The following ANKRD45 variants were observed in gnomAD, a reference collection of about 807,000 sequenced individuals.
ANKRD45 encodes ankyrin repeat domain-containing protein 45.
A neutral mutation model predicts 28.1 loss-of-function variants in ANKRD45; 21 were observed. That is an observed-to-expected ratio of 0.75 (90% confidence interval 0.53 to 1.08). The LOEUF is 1.08. Ranked by LOEUF, ANKRD45 falls within the 50% of genes least tolerant of loss-of-function variation. ANKRD45 has a pLI of 0.00. For synonymous variants in ANKRD45, 86 were observed against 103.9 expected (o/e 0.83, Z 1.05); for missense variants, 261 against 308.7 (o/e 0.85, Z 1.16).
intron 5 of ANKRD45, among the ~76,000 whole-genome samples, chr1:173,617,769 C>T (rs1667527293): frequency 1.3e-5 from 2 of 152,236 alleles, no homozygotes; most frequent in Admixed American, 6.5e-5. Context: ...ACCTGCTCTA[C>T]CAAAAAGCAG....
the ANKRD45 span, among the ~76,000 whole-genome samples, chr1:173,690,708 A>G: frequency 6.6e-6 from 1 of 152,100 alleles, no homozygotes; most frequent in Admixed American, 6.6e-5. Flanking sequence ...TTATCTTTCC[A>G]GTGTTTTCGC....
At chr1:173,702,399 G>A in the ANKRD45 span, among the ~76,000 whole-genome samples, 4 of 152,176 alleles carry the variant, frequency 2.6e-5, no homozygotes, top group Non-Finnish European at 5.9e-5. Flanking sequence ...TCATCATATA[G>A]GGGGTAGCTA....
chr1:173,654,838 C>T (rs938710270), intron 2 of ANKRD45, among the ~76,000 whole-genome samples: 1 of 152,138 alleles, frequency 6.6e-6, no homozygotes, highest in Non-Finnish European at 1.5e-5. Flanking sequence ...CACTTTATTT[C>T]ATTAATTTGA....
upstream of ANKRD45, among the ~76,000 whole-genome samples, chr1:173,672,312 C>T (rs921887423): frequency 2.0e-5 from 3 of 152,214 alleles, no homozygotes; most frequent in Admixed American, 2.0e-4. Flanking sequence ...CACATTTGCT[C>T]TACTCAACAA....
chr1:173,619,320 C>G (rs904953389), intron 5 of ANKRD45, among the ~76,000 whole-genome samples: 2 of 151,982 alleles, frequency 1.3e-5, no homozygotes, highest in African/African-American at 4.8e-5. Context: ...GGCTAAATGC[C>G]CCAATTAAGA....
rs12074044 is a variant in ANKRD45, at chr1:173,647,485, A to C, written c.329-472T>G. Reference sequence around the variant, plus strand: ...TGTATACCTTAGGTTTGGAAATTCTATTAATTAAAACTAAAATTATGGCCT... The same window carrying C: ...TGTATACCTTAGGTTTGGAAATTCTCTTAATTAAAACTAAAATTATGGCCT... On this transcript the variant is annotated intron_variant, in intron 2 of 5. Transcript: ENST00000333279. Among the ~76,000 whole-genome samples the C allele has an allele frequency of 9.9e-5, 15 of 152,268 alleles. No individual in the cohort carries two copies. The East Asian group carries it at 2.9e-3, about 29-fold the overall frequency.
chr1:173,641,066 C>T (rs911860365), intron 3 of ANKRD45, among the ~76,000 whole-genome samples: 6 of 152,124 alleles, frequency 3.9e-5, no homozygotes, highest in Non-Finnish European at 5.9e-5. Flanking sequence ...TCCCCTTCTT[C>T]GGTAGCCTCA....
In ANKRD45 at chr1:173,659,196, T is replaced by G; in HGVS notation, c.223A>C (p.Ile75Leu). 1 of 1,614,172 alleles carries G rather than the reference T, an allele frequency of 6.2e-7. No individual in the cohort carries two copies. The highest frequency in any genetic ancestry group is 8.5e-7 in the Non-Finnish European group (1 of 1,180,032). ...GCATACAACAAATTTCTCCCAACGA[T>G]GTCTTCTTCTAAGAGAAGCTGCATG... ...QAMQLLLEED[I>L]VGRNLLYAAC... is the part of the protein sequence containing the mutation. Residue 75 changes from isoleucine (I) to leucine (L), a missense_variant, in exon 2 of 6, where the codon ATC becomes CTC. Ile to Leu is a conservative substitution (Grantham distance 5). Coordinates refer to ENST00000333279, the MANE Select transcript of ANKRD45 (RefSeq NM_198493.3).
chr1:173,697,719 T>C, the ANKRD45 span, among the ~76,000 whole-genome samples: 5 of 152,048 alleles, frequency 3.3e-5, no homozygotes, highest in African/African-American at 1.2e-4. Context: ...ATACGCAAAA[T>C]GGTAAAGACC....
intron 3 of ANKRD45, among the ~76,000 whole-genome samples, chr1:173,638,528 T>TA (rs1379454638): frequency 6.6e-6 from 1 of 152,058 alleles, no homozygotes; most frequent in Non-Finnish European, 1.5e-5. Context: ...CAAGGGGGGT[T>TA]GAAAGCTCCA....
chr1:173,647,688 C>T (rs1378114590), intron 2 of ANKRD45, among the ~76,000 whole-genome samples: 1 of 152,178 alleles, frequency 6.6e-6, no homozygotes, highest in African/African-American at 2.4e-5. Context: ...CTACAATTCA[C>T]TTTATTGCAC....
chr1:173,675,140 C>T, the ANKRD45 span, among the ~76,000 whole-genome samples: 5 of 152,048 alleles, frequency 3.3e-5, no homozygotes, highest in South Asian at 1.0e-3. Flanking sequence ...ATGAAAGTGG[C>T]TTATGTACGT....
chr1:173,678,641 T>C, the ANKRD45 span, among the ~76,000 whole-genome samples: 17 of 152,178 alleles, frequency 1.1e-4, no homozygotes, highest in South Asian at 2.1e-4. Flanking sequence ...GCATTCCCTT[T>C]GAAAACTGGT....
chr1:173,700,038 G>C, the ANKRD45 span, among the ~76,000 whole-genome samples: 2 of 152,258 alleles, frequency 1.3e-5, no homozygotes, highest in South Asian at 4.2e-4. Flanking sequence ...CAGAGAAACA[G>C]AGAGCCAAAT....
intron 4 of ANKRD45, 75 bp from the exon 5 acceptor site, chr1:173,625,000 C>A: frequency 6.9e-7 from 1 of 1,454,738 alleles, no homozygotes; most frequent in Non-Finnish European, 9.4e-7. Context: ...TCTAAACCAG[C>A]ACGTCCAACT....
At chr1:173,701,150 A>G in the ANKRD45 span, among the ~76,000 whole-genome samples, 2 of 152,272 alleles carry the variant, frequency 1.3e-5, no homozygotes, top group Non-Finnish European at 2.9e-5. Context: ...AATGGCAATC[A>G]TTAAAAAGTC....
chr1:173,650,792 C>A (rs1395239626), intron 2 of ANKRD45, among the ~76,000 whole-genome samples: 1 of 152,196 alleles, frequency 6.6e-6, no homozygotes, highest in Admixed American at 6.5e-5. Flanking sequence ...ACCATTCTAA[C>A]TGGTGTGAGA....
intron 5 of ANKRD45, chr1:173,612,913 A>C (rs1213649312): frequency 6.0e-6 from 1 of 167,856 alleles, no homozygotes; most frequent in African/African-American, 2.4e-5. Context: ...CCCAGGCTGG[A>C]GTGCAGTGGC....
At chr1:173,644,713 G>A (rs959032748) in intron 3 of ANKRD45, among the ~76,000 whole-genome samples, 2 of 152,048 alleles carry the variant, frequency 1.3e-5, no homozygotes, top group African/African-American at 4.8e-5. Flanking sequence ...ATGGAATGTG[G>A]GCTGGGCATG....
Sources: allele counts gnomAD v4.1 joint callset (sites outside exome capture counted in the v4.1 genomes callset), GRCh38; gene constraint gnomAD v4.1.1; transcripts MANE v1.5; gene names NCBI Gene and HGNC (gene_info 2026-07-23, HGNC 2026-07-21).